Variants in ARNT2 observed in about 807,000 individuals in gnomAD.
ARNT2 encodes ARNT protein 2.
A neutral mutation model predicts 91.7 loss-of-function variants in ARNT2; 36 were observed. The observed-to-expected ratio is 0.39, with a 90% CI of 0.30 to 0.52. ARNT2 has a LOEUF of 0.52. Among genes scored for constraint, ARNT2 ranks in the 20% least tolerant of loss-of-function variants. The probability of loss-of-function intolerance (pLI) is 0.72; values close to 1 mark genes in which losing one functional copy is unlikely to be tolerated. For synonymous variants in ARNT2, 365 were observed against 347.1 expected (o/e 1.05, Z -0.57); for missense variants, 775 against 939.3 (o/e 0.83, Z 2.29).
chr15:80,484,755 G>A (rs1293430550), intron 5 of ARNT2, among the ~76,000 whole-genome samples: 2 of 152,222 alleles, frequency 1.3e-5, no homozygotes, highest in Non-Finnish European at 2.9e-5. Flanking sequence ...TGGAAGGCTG[G>A]CCTCCCTGCA....
At chr15:80,527,201 G>T (rs61032023) in intron 8 of ARNT2, among the ~76,000 whole-genome samples, 2,652 of 152,306 alleles carry the variant, frequency 0.017, 79 homozygotes, top group African/African-American at 0.061. Context: ...TTGCTAGGTC[G>T]TGGGGATCCT....
intron 8 of ARNT2, among the ~76,000 whole-genome samples, chr15:80,547,765 T>C (rs1898013800): frequency 6.6e-6 from 1 of 152,152 alleles, no homozygotes; most frequent in African/African-American, 2.4e-5. Flanking sequence ...ATGTTTCTGA[T>C]GAGATACATG....
At position 80,508,211 on chromosome 15, in the gene ARNT2, C is replaced by T; in HGVS notation, c.678C>T (p.Ser226=). ...GTVKKEGQQS[S]MRMCMGSRRS... ...TCAAGAAAGAAGGGCAGCAGTCATC[C>T]ATGAGGATGTGCATGGGCTCGCGGC... The change falls in exon 6 of 19, where the codon TCC becomes TCT. Residue 226 remains serine, a synonymous_variant. Transcript: ENST00000303329. 1 of 1,614,136 alleles carries T rather than the reference C, an allele frequency of 6.2e-7. No individual in the cohort carries two copies. Among genetic ancestry groups the T allele is most frequent in the Non-Finnish European group, 8.5e-7 (1 of 1,180,008 alleles).
intron 8 of ARNT2, among the ~76,000 whole-genome samples, chr15:80,525,781 C>T (rs1337716000): frequency 4.6e-5 from 7 of 152,126 alleles, no homozygotes; most frequent in Non-Finnish European, 7.4e-5. Context: ...AGAATTAGAG[C>T]ATTGAAGCAG....
At chr15:80,409,010 C>T (rs527661405) in intron 1 of ARNT2, among the ~76,000 whole-genome samples, 52 of 152,216 alleles carry the variant, frequency 3.4e-4, no homozygotes, top group African/African-American at 1.2e-3. Flanking sequence ...CACAACCTCC[C>T]CCATGATCAA....
At position 80,563,117 on chromosome 15, in the gene ARNT2, G is replaced by C. The variant is rs773964764; in HGVS notation, c.1194G>C (p.Ser398=). 4 of 1,613,994 alleles carry C rather than the reference G, an allele frequency of 2.5e-6. No homozygotes were observed. Among genetic ancestry groups the C allele is most frequent in the Non-Finnish European group, 8.5e-7 (1 of 1,180,046 alleles). Residue 398 remains serine (S), a synonymous_variant, in exon 12 of 19, where the codon TCG becomes TCC. Coordinates refer to ENST00000303329, the MANE Select transcript of ARNT2 (RefSeq NM_014862.4). ...TTAAGCTGAAAGGCCAAGTCCTGTC[G>C]GTCATGTATCGATTTCGCACCAAGA... is the stretch of plus-strand genomic sequence containing the variant. ...QVVKLKGQVL[S]VMYRFRTKNR... is the part of the protein sequence containing the mutation.
At chr15:80,476,801 A>G (rs907424822) in intron 5 of ARNT2, among the ~76,000 whole-genome samples, 1 of 152,246 alleles carries the variant, frequency 6.6e-6, no homozygotes, top group African/African-American at 2.4e-5. Flanking sequence ...AAATACAATA[A>G]ACCGAATAGC....
At chr15:80,409,157 A>G (rs750255558) in intron 1 of ARNT2, among the ~76,000 whole-genome samples, 1 of 152,220 alleles carries the variant, frequency 6.6e-6, no homozygotes, top group Non-Finnish European at 1.5e-5. Flanking sequence ...ACAAATGTAT[A>G]TGACTTATAT....
chr15:80,536,188 A>T (rs956537270), intron 8 of ARNT2, among the ~76,000 whole-genome samples: 1 of 152,220 alleles, frequency 6.6e-6, no homozygotes, highest in Non-Finnish European at 1.5e-5. Context: ...TTTAACAGGC[A>T]AAAGAAAGAG....
At chr15:80,545,104 A>T (rs1346114708) in intron 8 of ARNT2, among the ~76,000 whole-genome samples, 1 of 152,188 alleles carries the variant, frequency 6.6e-6, no homozygotes, top group African/African-American at 2.4e-5. Flanking sequence ...TGCCATGTGG[A>T]ATCCTATCTT....
Position 80,563,144 on chromosome 15 carries a change from C to T in ARNT2, c.1221C>T (p.Asn407=). 1 of 1,614,172 alleles carries T rather than the reference C, an allele frequency of 6.2e-7. No homozygotes were observed. Among genetic ancestry groups the T allele is most frequent in the East Asian group, 2.2e-5 (1 of 44,872 alleles). Residue 407 remains asparagine, a synonymous_variant, in exon 12 of 19, where the codon AAC becomes AAT. Transcript: ENST00000303329. ...LSVMYRFRTK[N]REWMLIRTSS... ...TCATGTATCGATTTCGCACCAAGAA[C>T]CGGGAGTGGATGTTGATCCGCACCA...
chr15:80,416,122 C>T lies in ARNT2; in HGVS notation c.31+11576C>T, dbSNP rs113687449. 2.0e-5 allele frequency among the ~76,000 whole-genome samples: 3 copies of T among 152,202 alleles called. No individual in the cohort carries two copies. The East Asian group carries it at 5.8e-4, about 29-fold the overall frequency. On this transcript the variant is annotated intron_variant, in intron 1 of 18. Transcript: ENST00000303329. Reference sequence around the variant, plus strand: ...GTCTCCACATCCTCCAGATCCCAAACAAATGAAAAGAGATGTGTCCATCAC... The same window carrying T: ...GTCTCCACATCCTCCAGATCCCAAATAAATGAAAAGAGATGTGTCCATCAC...
chr15:80,508,295 G>T, intron 6 of ARNT2, 37 bp downstream of exon 6: 1 of 1,604,994 alleles, frequency 6.2e-7, no homozygotes, highest in Non-Finnish European at 8.5e-7. Flanking sequence ...TCAGGTGGTT[G>T]GTTTGCTCCT....
At chr15:80,578,672 A>T (rs1467361851) in intron 15 of ARNT2, among the ~76,000 whole-genome samples, 1 of 151,926 alleles carries the variant, frequency 6.6e-6, no homozygotes, top group Non-Finnish European at 1.5e-5. Context: ...GGGAAGGAAA[A>T]GCAGGTTTGG....
chr15:80,550,139 A>G (rs1898058367), intron 8 of ARNT2, among the ~76,000 whole-genome samples: 1 of 152,252 alleles, frequency 6.6e-6, no homozygotes. Flanking sequence ...AAAGAAGAGG[A>G]CATGAGAAAG....
At position 80,470,293 on chromosome 15, in the gene ARNT2, C is replaced by T. The variant is rs1388362046; in HGVS notation, c.270C>T (p.Val90=). Residue 90 remains valine, a synonymous_variant, in exon 4 of 19, where the codon GTC becomes GTT. Coordinates refer to ENST00000303329, the MANE Select transcript of ARNT2 (RefSeq NM_014862.4). Reference sequence around the variant, plus strand: ...ACATCACGGAGCTCTCCGACATGGTCCCCACATGCAGCGCACTGGCTCGGA... The same window carrying T: ...ACATCACGGAGCTCTCCGACATGGTTCCCACATGCAGCGCACTGGCTCGGA... ...TQYITELSDM[V]PTCSALARKP... 1.9e-6 allele frequency: 3 copies of T among 1,614,180 alleles called. No homozygotes were observed. Among genetic ancestry groups the T allele is most frequent in the South Asian group, 1.1e-5 (1 of 91,070 alleles).
rs1176343253 is a variant in ARNT2 at position 80,450,940 on chromosome 15, G to A, written c.92G>A (p.Gly31Glu). ...CCCGTTGCCCCCATGGCGGCCACCGGACAGGTGAGGATGGCGGGGGCCATG... is the reference window on the plus strand; with the variant it reads ...CCCGTTGCCCCCATGGCGGCCACCGAACAGGTGAGGATGGCGGGGGCCATG... Reference protein sequence around the residue: ...TLPVAPMAATGQVRMAGAMPA... With the variant: ...TLPVAPMAATEQVRMAGAMPA... The change falls in exon 2 of 19, where the codon GGA (glycine) becomes GAA (glutamate). Residue 31 changes from glycine to glutamate, a missense_variant. By Grantham distance (98) the Gly-to-Glu change is moderately conservative. Coordinates refer to ENST00000303329, the MANE Select transcript of ARNT2 (RefSeq NM_014862.4). 1 of 1,614,098 alleles carries A rather than the reference G, an allele frequency of 6.2e-7. No homozygotes were observed. The highest frequency in any genetic ancestry group is 1.3e-5 in the African/African-American group (1 of 74,952).
chr15:80,447,540 A>C (rs989591492), intron 1 of ARNT2, among the ~76,000 whole-genome samples: 2 of 152,156 alleles, frequency 1.3e-5, no homozygotes, highest in African/African-American at 4.8e-5. Flanking sequence ...TGTCTTTGGG[A>C]CTGTCACCTC....
At chr15:80,565,048 G>A (rs568541596) in intron 12 of ARNT2, among the ~76,000 whole-genome samples, 13 of 151,852 alleles carry the variant, frequency 8.6e-5, no homozygotes, top group Middle Eastern at 3.4e-3. Flanking sequence ...TCAGCCTCCC[G>A]AGTAGCTGGG....
Sources: gnomAD v4.1 joint callset for allele counts (sites outside exome capture counted in the v4.1 genomes callset) on GRCh38, gnomAD v4.1.1 for gene constraint, MANE v1.5 for transcripts, NCBI Gene and HGNC (gene_info 2026-07-23, HGNC 2026-07-21) for gene names.